CLNK: variants seen among roughly 807,000 people sequenced by gnomAD.
CLNK encodes cytokine-dependent hematopoietic cell linker.
In CLNK, 74 loss-of-function variants were observed where a neutral mutation model predicts 68.6. That is an observed-to-expected ratio of 1.08 (90% CI 0.89 to 1.31). The LOEUF is 1.31. CLNK is among the 50% of genes most tolerant of loss of function. The pLI is 0.00. For missense variants in CLNK, 553 were observed against 515.3 expected, an observed-to-expected ratio of 1.07 and a Z score of -0.71; for synonymous variants, 198 against 172.2, an observed-to-expected ratio of 1.15 and a Z score of -1.17.
chr4:10,724,237 A>G, the CLNK span, among the ~76,000 whole-genome samples: 1 of 152,124 alleles, frequency 6.6e-6, no homozygotes, highest in East Asian at 1.9e-4. Context: ...TCACCGTTTC[A>G]TCTGCCCAGG....
At chr4:10,660,223 T>G (rs1212222653) in intron 2 of CLNK, among the ~76,000 whole-genome samples, 1 of 152,246 alleles carries the variant, frequency 6.6e-6, no homozygotes, top group Non-Finnish European at 1.5e-5. Context: ...ATGATTATGT[T>G]AATTGAATTT....
chr4:10,496,847 G>C lies in CLNK; in HGVS notation c.1140+4409C>G, dbSNP rs543480048. Among the ~76,000 whole-genome samples the C allele has an allele frequency of 3.9e-5, 6 of 152,306 alleles. No individual in the cohort carries two copies. The East Asian group carries it at 9.6e-4, about 24-fold the overall frequency. ...TAGGGCGAACACCAAGTAACCAATGGAAACCTCTAGCAGATATTTAAACCG... is the reference window on the plus strand; with the variant it reads ...TAGGGCGAACACCAAGTAACCAATGCAAACCTCTAGCAGATATTTAAACCG... On this transcript the variant is annotated intron_variant, in intron 18 of 18. Transcript: ENST00000226951.
chr4:10,571,622 C>T (rs2108828008), intron 5 of CLNK, 119 bp downstream of exon 5: 1 of 790,470 alleles, frequency 1.3e-6, no homozygotes, highest in South Asian at 1.6e-5. Flanking sequence ...AGGTGTGAAC[C>T]ACTGCACGCA....
chr4:10,728,164 G>A, the CLNK span, among the ~76,000 whole-genome samples: 2 of 152,270 alleles, frequency 1.3e-5, no homozygotes, highest in Admixed American at 6.5e-5. Flanking sequence ...GCAGCCCAGG[G>A]CAGCTCAGCA....
At chr4:10,618,597 T>TC (rs1474054186) in intron 2 of CLNK, among the ~76,000 whole-genome samples, 2 of 152,154 alleles carry the variant, frequency 1.3e-5, no homozygotes, top group Non-Finnish European at 2.9e-5. Flanking sequence ...TATAAAGAAA[T>TC]GAGGTTTAAT....
At chr4:10,654,160 C>G (rs1468843036) in intron 2 of CLNK, among the ~76,000 whole-genome samples, 1 of 151,832 alleles carries the variant, frequency 6.6e-6, no homozygotes, top group African/African-American at 2.4e-5. Context: ...AATTACAGGC[C>G]ATTCTCATTA....
rs1723786105 is a variant in CLNK, at chr4:10,652,518, G to A, written c.11+15341C>T. ...AATATAAAATGATATAAAAGATGGA[G>A]CATTAAAATACTAAAAGAAGCTTGC... On this transcript the variant is annotated intron_variant, in intron 2 of 18. Transcript: ENST00000226951. Among the ~76,000 whole-genome samples the A allele has an allele frequency of 4.6e-5, 7 of 151,794 alleles. No individual in the cohort carries two copies. In the South Asian group the frequency reaches 1.5e-3, roughly 32 times the overall value.
Position 10,490,450 on chromosome 4 carries a change from A to G in CLNK, c.*17T>C. On this transcript the variant is annotated 3_prime_UTR_variant, in exon 19 of 19. Transcript: ENST00000226951. ...AAGCGCTGAATCCAGTAAACCAAAG[A>G]TAACACAAAGACCAGGCTACAGAGG... 6.2e-7 allele frequency: 1 copy of G among 1,610,308 alleles called. No individual in the cohort carries two copies. Among genetic ancestry groups the G allele is most frequent in the East Asian group, 2.2e-5 (1 of 44,856 alleles).
intron 1 of CLNK, among the ~76,000 whole-genome samples, chr4:10,674,143 G>A (rs1416010639): frequency 6.6e-6 from 1 of 152,094 alleles, no homozygotes; most frequent in Admixed American, 6.5e-5. Flanking sequence ...GGAAGCTGAA[G>A]GAAGCTCTGA....
intron 2 of CLNK, among the ~76,000 whole-genome samples, chr4:10,627,540 A>G (rs1169196591): frequency 1.3e-5 from 2 of 152,120 alleles, no homozygotes; most frequent in East Asian, 3.9e-4. Flanking sequence ...GCCACTTGGA[A>G]CCATGACTGG....
At chr4:10,684,491 A>T (rs1374659409) in intron 1 of CLNK, among the ~76,000 whole-genome samples, 177 bp downstream of exon 1, 1 of 152,212 alleles carries the variant, frequency 6.6e-6, no homozygotes, top group Non-Finnish European at 1.5e-5. Flanking sequence ...GAATGAAAGG[A>T]TCTTTAACAA....
intron 11 of CLNK, among the ~76,000 whole-genome samples, chr4:10,535,446 AT>A (rs1490524835): frequency 6.6e-6 from 1 of 152,026 alleles, no homozygotes; most frequent in African/African-American, 2.4e-5. Context: ...GGAGATAGTA[AT>A]TTTTTTACAG....
chr4:10,651,916 C>G (rs1723755032), intron 2 of CLNK, among the ~76,000 whole-genome samples: 1 of 150,602 alleles, frequency 6.6e-6, no homozygotes, highest in African/African-American at 2.4e-5. Flanking sequence ...ATAAGATAAA[C>G]TGATAGAAGT....
intron 7 of CLNK, among the ~76,000 whole-genome samples, chr4:10,563,687 T>A (rs1341381395): frequency 6.6e-6 from 1 of 152,070 alleles, no homozygotes; most frequent in South Asian, 2.1e-4. Context: ...GGTGGGTGGA[T>A]CACGAGGTCA....
intron 2 of CLNK, among the ~76,000 whole-genome samples, chr4:10,604,696 C>A (rs997763505): frequency 6.6e-6 from 1 of 152,052 alleles, no homozygotes; most frequent in Admixed American, 6.5e-5. Context: ...GAGACTGCCC[C>A]CTGAAAATTT....
intron 8 of CLNK, 54 bp downstream of exon 8, chr4:10,558,353 G>T: frequency 6.7e-7 from 1 of 1,495,210 alleles, no homozygotes; most frequent in Non-Finnish European, 9.3e-7. Flanking sequence ...GATCTTAGAA[G>T]CAAAATAGAT....
the CLNK span, among the ~76,000 whole-genome samples, chr4:10,693,960 G>A: frequency 6.6e-6 from 1 of 152,010 alleles, no homozygotes; most frequent in Admixed American, 6.6e-5. Flanking sequence ...GCTATAATTT[G>A]TTTAAATAGC....
At chr4:10,628,251 C>T (rs1480046648) in intron 2 of CLNK, among the ~76,000 whole-genome samples, 1 of 152,116 alleles carries the variant, frequency 6.6e-6, no homozygotes, top group African/African-American at 2.4e-5. Context: ...CAATGTTTCT[C>T]CCTCACACAA....
the CLNK span, among the ~76,000 whole-genome samples, chr4:10,728,385 A>T: frequency 6.1e-5 from 9 of 146,742 alleles, no homozygotes; most frequent in South Asian, 2.2e-4. Flanking sequence ...TATTCTAAAG[A>T]GTGTGTGTGT....
Sources: allele counts gnomAD v4.1 joint callset (sites outside exome capture counted in the v4.1 genomes callset), GRCh38; gene constraint gnomAD v4.1.1; transcripts MANE v1.5; gene names NCBI Gene and HGNC (gene_info 2026-07-23, HGNC 2026-07-21).